The following PCBP3 variants were observed in gnomAD, a reference collection of about 807,000 sequenced individuals.
PCBP3 encodes poly(rC) binding protein 3, also known as poly(rC)-binding protein 3.
PCBP3 carries 25 observed loss-of-function variants against 52.7 expected under a neutral mutation model. The observed-to-expected ratio is 0.47, with a 90% CI of 0.35 to 0.66. PCBP3 has a LOEUF of 0.66. Among genes scored for constraint, PCBP3 ranks in the 30% least tolerant of loss-of-function variants. The pLI is 0.01. For missense variants in PCBP3, 391 were observed against 490.3 expected, an observed-to-expected ratio of 0.80 and a Z score of 1.91; for synonymous variants, 162 against 183.0, an observed-to-expected ratio of 0.89 and a Z score of 0.93.
At chr21:45,775,991 T>G (rs1332846460) in intron 4 of PCBP3, among the ~76,000 whole-genome samples, 1 of 152,236 alleles carries the variant, frequency 6.6e-6, no homozygotes, top group Non-Finnish European at 1.5e-5. Flanking sequence ...AATTCCCTCT[T>G]AGCTCTGCTT....
At chr21:45,820,145 C>A (rs1450594008) in intron 4 of PCBP3, among the ~76,000 whole-genome samples, 1 of 152,210 alleles carries the variant, frequency 6.6e-6, no homozygotes, top group Non-Finnish European at 1.5e-5. Flanking sequence ...GTGGCGCTGG[C>A]CTTTTCCTGG....
chr21:45,823,576 C>T (rs1020280772), intron 4 of PCBP3, among the ~76,000 whole-genome samples: 24 of 152,056 alleles, frequency 1.6e-4, no homozygotes, highest in African/African-American at 5.6e-4. Flanking sequence ...GCATGGGCTG[C>T]GATCTTTGGC....
Position 45,898,633 on chromosome 21 carries a change from C to G in PCBP3, c.166-966C>G, listed in dbSNP as rs1398453872. On this transcript the variant is annotated intron_variant, in intron 6 of 17. Coordinates refer to ENST00000681687, the MANE Select transcript of PCBP3 (RefSeq NM_001384156.1). ...CACACCGTCCTCACGGCCTCCCTCT[C>G]CCTCCACGGGCCCCTCTGCACACCG... is the stretch of plus-strand genomic sequence containing the variant. 2.5e-3 allele frequency among the ~76,000 whole-genome samples: 243 copies of G among 98,202 alleles called. 8 individuals are homozygous for G. The highest frequency in any genetic ancestry group is 6.0e-3 in the Middle Eastern group (1 of 168). The allele number at this position is 98,202 out of a possible 152,430, so 64.4% of individuals were successfully genotyped here. A position where few individuals can be genotyped will look rare whatever the true frequency, so the allele number is the denominator to read the frequency against.
intron 3 of PCBP3, among the ~76,000 whole-genome samples, chr21:45,753,787 A>G (rs912868992): frequency 6.6e-6 from 1 of 152,210 alleles, no homozygotes; most frequent in Non-Finnish European, 1.5e-5. Flanking sequence ...CAGAGAATGA[A>G]GGAGTCTCAC....
chr21:45,711,939 C>T (rs1247905923), intron 2 of PCBP3, among the ~76,000 whole-genome samples: 4 of 152,154 alleles, frequency 2.6e-5, no homozygotes, highest in African/African-American at 4.8e-5. Flanking sequence ...TTTATCTCTG[C>T]CCCTGAATCC....
chr21:45,903,490 A>G (rs1298021630), intron 9 of PCBP3, among the ~76,000 whole-genome samples: 3 of 152,088 alleles, frequency 2.0e-5, no homozygotes, highest in Non-Finnish European at 4.4e-5. Context: ...TGGCATGTCT[A>G]GAGATGTGCA....
intron 2 of PCBP3, among the ~76,000 whole-genome samples, chr21:45,715,015 A>G (rs1222281180): frequency 1.3e-5 from 2 of 152,238 alleles, no homozygotes; most frequent in Non-Finnish European, 1.5e-5. Context: ...CACATAGTCA[A>G]AAACTATTCA....
At position 45,791,293 on chromosome 21, in the gene PCBP3, T is replaced by C. The variant is rs1046033477; in HGVS notation, c.-126+35841T>C. Among the ~76,000 whole-genome samples, 3 of 152,134 alleles carry C rather than the reference T, an allele frequency of 2.0e-5. No individual in the cohort carries two copies. The highest frequency in any genetic ancestry group is 4.4e-5 in the Non-Finnish European group (3 of 68,020). On this transcript the variant is annotated intron_variant, in intron 4 of 17. Transcript: ENST00000681687. The surrounding 1 kb of genome is among the most constrained non-coding windows in gnomAD (Gnocchi z 4.2). ...TCAGTGTAAGGTTTGTGCGGTAGAA[T>C]TTGGAAGGCTGGGAGCATGGCCAGC...
At chr21:45,854,540 T>C (rs2094191357) in intron 5 of PCBP3, among the ~76,000 whole-genome samples, 1 of 152,216 alleles carries the variant, frequency 6.6e-6, no homozygotes, top group African/African-American at 2.4e-5. Flanking sequence ...CTTCTTTCTT[T>C]TAGTCTGCTG....
At chr21:45,857,531 A>T (rs2094347987) in intron 5 of PCBP3, among the ~76,000 whole-genome samples, 1 of 152,150 alleles carries the variant, frequency 6.6e-6, no homozygotes, top group Admixed American at 6.5e-5. Context: ...GCATTCCTTT[A>T]TGACAATGCA....
intron 2 of PCBP3, among the ~76,000 whole-genome samples, chr21:45,691,456 ATGTG>A (rs60311432): frequency 0.17 from 24,366 of 142,102 alleles, 2,203 homozygotes; most frequent in Middle Eastern, 0.33. Context: ...GTATGTATGT[ATGTG>A]TGTGTGTGTG....
chr21:45,766,608 C>A (rs749354051), intron 4 of PCBP3, among the ~76,000 whole-genome samples: 15 of 152,204 alleles, frequency 9.9e-5, no homozygotes, highest in Non-Finnish European at 1.8e-4. Context: ...GATGAAAGCA[C>A]TTTTTACCTC....
chr21:45,690,113 T>C (rs1387237178), intron 2 of PCBP3, among the ~76,000 whole-genome samples: 1 of 152,144 alleles, frequency 6.6e-6, no homozygotes, highest in Non-Finnish European at 1.5e-5. Flanking sequence ...TATCCAGTAA[T>C]AGCATATGAT....
At chr21:45,783,737 A>G (rs1197033271) in intron 4 of PCBP3, among the ~76,000 whole-genome samples, 3 of 152,184 alleles carry the variant, frequency 2.0e-5, no homozygotes, top group Non-Finnish European at 4.4e-5. Flanking sequence ...ATGAGCTAGT[A>G]GGGATTTAAG....
In PCBP3 at chr21:45,861,152, C is replaced by G. The variant is rs558818551; in HGVS notation, c.10+11057C>G. Among the ~76,000 whole-genome samples, 122 of 152,348 alleles carry G rather than the reference C, an allele frequency of 8.0e-4. No individual in the cohort carries two copies. In the South Asian group the frequency reaches 8.1e-3, roughly 10 times the overall value. ...GCTTGGTGTGCAGCCGCCTCCATGC[C>G]TTCTCACCTCTGCCAGCACCCCCTC... On this transcript the variant is annotated intron_variant, in intron 5 of 17. Coordinates refer to ENST00000681687, the MANE Select transcript of PCBP3 (RefSeq NM_001384156.1).
rs529090858 is a variant in PCBP3, at chr21:45,791,884, G to C, written c.-126+36432G>C. On this transcript the variant is annotated intron_variant, in intron 4 of 17. Coordinates refer to ENST00000681687, the MANE Select transcript of PCBP3 (RefSeq NM_001384156.1). This position sits in a 1 kb window ranked among gnomAD's most constrained non-coding sequence, Gnocchi z 4.2. Reference sequence around the variant, plus strand: ...TCCTGCTCCTGAAAGCAAGGATGCAGTTCATTTCCAGCCCTGAGCTGCACT... The same window carrying C: ...TCCTGCTCCTGAAAGCAAGGATGCACTTCATTTCCAGCCCTGAGCTGCACT... Among the ~76,000 whole-genome samples the C allele has an allele frequency of 6.6e-6, 1 of 152,372 alleles. No homozygotes were observed. The highest frequency in any genetic ancestry group is 2.4e-5 in the African/African-American group (1 of 41,590).
intron 5 of PCBP3, among the ~76,000 whole-genome samples, chr21:45,892,710 T>C (rs1414882371): frequency 6.6e-6 from 1 of 151,962 alleles, no homozygotes; most frequent in Non-Finnish European, 1.5e-5. Flanking sequence ...TGGCCCTGTG[T>C]CCTCCGTGAG....
chr21:45,758,098 A>G (rs1470531494), intron 4 of PCBP3, among the ~76,000 whole-genome samples: 2 of 152,188 alleles, frequency 1.3e-5, no homozygotes, highest in Non-Finnish European at 2.9e-5. Context: ...CATGTTGCCC[A>G]GGGTGGTCTC....
intron 4 of PCBP3, among the ~76,000 whole-genome samples, chr21:45,774,547 C>T (rs1235817825): frequency 6.6e-6 from 1 of 152,044 alleles, no homozygotes; most frequent in African/African-American, 2.4e-5. Flanking sequence ...CTAGGACTTC[C>T]AGTATTATGT....
Sources: gnomAD v4.1 joint callset for allele counts (sites outside exome capture counted in the v4.1 genomes callset) on GRCh38, gnomAD v4.1.1 for gene constraint, Gnocchi (gnomAD v3.1) non-coding constraint, MANE v1.5 for transcripts, NCBI Gene and HGNC (gene_info 2026-07-23, HGNC 2026-07-21) for gene names.